PARD3: variants seen among roughly 807,000 people sequenced by gnomAD.
PARD3 encodes par-3 family cell polarity regulator, also known as partitioning defective 3 homolog.
Under a neutral mutation model 155.4 loss-of-function variants are expected in PARD3, and 75 were observed. The ratio of observed to expected loss-of-function variants is 0.48; its 90% CI spans 0.40 to 0.58. PARD3 has a LOEUF of 0.58. Among genes scored for constraint, PARD3 ranks in the 20% least tolerant of loss-of-function variants. The pLI is 0.00. For missense variants in PARD3, 1,642 were observed against 1,721.7 expected, an observed-to-expected ratio of 0.95 and a Z score of 0.82; for synonymous variants, 576 against 610.5, an observed-to-expected ratio of 0.94 and a Z score of 0.83.
intron 22 of PARD3, among the ~76,000 whole-genome samples, chr10:34,247,489 G>C (rs189866783): frequency 2.0e-5 from 3 of 152,064 alleles, no homozygotes; most frequent in Middle Eastern, 3.2e-3. Flanking sequence ...GTGACACAGC[G>C]ACTCTGAAAG....
intron 2 of PARD3, among the ~76,000 whole-genome samples, chr10:34,575,762 G>A (rs1369535297): frequency 1.3e-5 from 2 of 152,130 alleles, no homozygotes; most frequent in African/African-American, 4.8e-5. Flanking sequence ...TGGACATGGT[G>A]GCGGGTGCCT....
At chr10:34,715,022 T>G (rs547136008) in intron 1 of PARD3, among the ~76,000 whole-genome samples, 1 of 150,936 alleles carries the variant, frequency 6.6e-6, no homozygotes, top group African/African-American at 2.4e-5. Flanking sequence ...TACACCCACC[T>G]CAGCCTCCCA....
Position 34,526,814 on chromosome 10 carries a change from A to G in PARD3, c.223-9655T>C, listed in dbSNP as rs534034325. Among the ~76,000 whole-genome samples, 3 of 152,324 alleles carry G rather than the reference A, an allele frequency of 2.0e-5. No individual in the cohort carries two copies. In the South Asian group the frequency reaches 6.2e-4, roughly 32 times the overall value. On this transcript the variant is annotated intron_variant, in intron 2 of 24. Transcript: ENST00000374788. ...CTTGTACCGTTGAGCTCCCTGCTAC[A>G]GTTCATATCCAGTGTCGTCAGAAAC...
rs117849188 is a variant in PARD3 at position 34,806,017 on chromosome 10, G to A, written c.120+8859C>T. ...AAGGAAGAAGGAAGGAAATTCTGAAGGACACCCTAGACAAATTTTTTTTTT... is the reference window on the plus strand; with the variant it reads ...AAGGAAGAAGGAAGGAAATTCTGAAAGACACCCTAGACAAATTTTTTTTTT... On this transcript the variant is annotated intron_variant, in intron 1 of 24. Coordinates refer to ENST00000374788, the MANE Select transcript of PARD3 (RefSeq NM_001184785.2). Among the ~76,000 whole-genome samples the A allele has an allele frequency of 5.7e-3, 862 of 151,436 alleles. 8 individuals are homozygous for A. The highest frequency in any genetic ancestry group is 6.9e-3 in the Non-Finnish European group (471 of 67,820).
intron 2 of PARD3, among the ~76,000 whole-genome samples, chr10:34,554,665 T>G (rs1293937482): frequency 3.9e-5 from 6 of 152,220 alleles, no homozygotes; most frequent in Non-Finnish European, 8.8e-5. Context: ...TAGTTACAAT[T>G]AAGGCCAATG....
At chr10:34,626,567 T>C (rs1444881775) in intron 2 of PARD3, among the ~76,000 whole-genome samples, 1 of 152,232 alleles carries the variant, frequency 6.6e-6, no homozygotes, top group Non-Finnish European at 1.5e-5. Flanking sequence ...CATTACATAA[T>C]CTCTGAAACC....
chr10:34,413,144 T>TATACAC (rs1365732356), intron 5 of PARD3, among the ~76,000 whole-genome samples: 1 of 145,882 alleles, frequency 6.9e-6, no homozygotes, highest in East Asian at 2.0e-4. Context: ...CAGATATATA[T>TATACAC]ACACACACAC....
At chr10:34,224,769 G>C (rs1385063014) in intron 22 of PARD3, among the ~76,000 whole-genome samples, 1 of 152,162 alleles carries the variant, frequency 6.6e-6, no homozygotes, top group Non-Finnish European at 1.5e-5. Context: ...TCATCTGAGG[G>C]TTTCCAGGTT....
At chr10:34,667,633 T>C (rs1298791003) in intron 2 of PARD3, among the ~76,000 whole-genome samples, 3 of 152,230 alleles carry the variant, frequency 2.0e-5, no homozygotes, top group Non-Finnish European at 4.4e-5. Flanking sequence ...ATTTGCTAGA[T>C]GATTCTAAGC....
At chr10:34,530,863 GACTACTT>G (rs2082798207) in intron 2 of PARD3, among the ~76,000 whole-genome samples, 1 of 152,212 alleles carries the variant, frequency 6.6e-6, no homozygotes, top group Non-Finnish European at 1.5e-5. Context: ...GAGGCAACTA[GACTACTT>G]CAACGCCTTG....
intron 19 of PARD3, among the ~76,000 whole-genome samples, chr10:34,317,577 TG>T (rs1564578369): frequency 6.6e-6 from 1 of 152,108 alleles, no homozygotes; most frequent in East Asian, 1.9e-4. Flanking sequence ...AGCTTCCTGG[TG>T]GGATGCTGAT....
intron 14 of PARD3, among the ~76,000 whole-genome samples, chr10:34,356,954 A>G (rs1474042982): frequency 1.3e-5 from 2 of 152,230 alleles, no homozygotes; most frequent in Non-Finnish European, 2.9e-5. Flanking sequence ...ATGATACCAT[A>G]AGGAATATTG....
chr10:34,536,403 T>C (rs76749256), intron 2 of PARD3, among the ~76,000 whole-genome samples: 6 of 152,322 alleles, frequency 3.9e-5, no homozygotes, highest in African/African-American at 1.2e-4. Flanking sequence ...GTAACAGTGC[T>C]AGCAGTACTG....
chr10:34,226,526 G>T (rs1281694559), intron 22 of PARD3, among the ~76,000 whole-genome samples: 1 of 152,234 alleles, frequency 6.6e-6, no homozygotes. Flanking sequence ...CTCCAGCCTG[G>T]GGGAAAGAGC....
chr10:34,345,130 A>G, intron 15 of PARD3: 1 of 985,176 alleles, frequency 1.0e-6, no homozygotes, highest in Non-Finnish European at 1.2e-6. Context: ...GGCTATTTTT[A>G]GAAAAAGGAA....
At chr10:34,224,818 T>C (rs963002816) in intron 22 of PARD3, among the ~76,000 whole-genome samples, 3 of 152,198 alleles carry the variant, frequency 2.0e-5, no homozygotes, top group Non-Finnish European at 4.4e-5. Flanking sequence ...GGAGCACTTA[T>C]CCATCATCCT....
intron 22 of PARD3, among the ~76,000 whole-genome samples, chr10:34,216,957 AAAAG>A (rs1322462229): frequency 6.6e-6 from 1 of 152,220 alleles, no homozygotes; most frequent in African/African-American, 2.4e-5. Flanking sequence ...TCTTCTCAGA[AAAAG>A]AAATGCTTTG....
intron 22 of PARD3, among the ~76,000 whole-genome samples, chr10:34,209,623 A>G (rs890140498): frequency 1.3e-5 from 2 of 152,218 alleles, no homozygotes; most frequent in African/African-American, 4.8e-5. Flanking sequence ...CATAGGTTCA[A>G]ATCTTGGTTC....
At position 34,694,620 on chromosome 10, in the gene PARD3, G is replaced by A. The variant is rs541482805; in HGVS notation, c.222+1698C>T. On this transcript the variant is annotated intron_variant, in intron 2 of 24. Transcript: ENST00000374788. ...TGAGTATCTGGGACTACAGGCACCCGCCACCACAGCCGGCTAATTTTTTGT... is the reference window on the plus strand; with the variant it reads ...TGAGTATCTGGGACTACAGGCACCCACCACCACAGCCGGCTAATTTTTTGT... 6.6e-5 allele frequency among the ~76,000 whole-genome samples: 10 copies of A among 151,592 alleles called. No homozygotes were observed. In the East Asian group the frequency reaches 7.8e-4, roughly 12 times the overall value.
Sources: gnomAD v4.1 joint callset for allele counts (sites outside exome capture counted in the v4.1 genomes callset) on GRCh38, gnomAD v4.1.1 for gene constraint, MANE v1.5 for transcripts, NCBI Gene and HGNC (gene_info 2026-07-23, HGNC 2026-07-21) for gene names.